Variants in RNF130 observed in about 807,000 individuals in gnomAD.
RNF130 encodes E3 ubiquitin-protein ligase RNF130.
In RNF130, 21 loss-of-function variants were observed where a neutral mutation model predicts 44.6. The observed-to-expected ratio is 0.47, with a 90% confidence interval of 0.33 to 0.68. The LOEUF is 0.68. Among genes scored for constraint, RNF130 ranks in the 30% least tolerant of loss-of-function variants. RNF130 has a pLI of 0.02. For synonymous variants in RNF130, 214 were observed against 210.4 expected (o/e 1.02, Z -0.15); for missense variants, 479 against 560.6 (o/e 0.85, Z 1.47).
intron 1 of RNF130, among the ~76,000 whole-genome samples, chr5:180,059,947 T>G (rs1466242561): frequency 6.6e-6 from 1 of 152,120 alleles, no homozygotes; most frequent in Non-Finnish European, 1.5e-5. Flanking sequence ...GATCATCGGC[T>G]GACTTTACAA....
At chr5:180,007,915 A>C (rs1582183139) in intron 3 of RNF130, among the ~76,000 whole-genome samples, 1 of 143,628 alleles carries the variant, frequency 7.0e-6, no homozygotes, top group East Asian at 2.0e-4. Context: ...CAACAACACC[A>C]CTCCAGAGCA....
intron 1 of RNF130, among the ~76,000 whole-genome samples, chr5:180,067,190 A>T (rs755362228): frequency 3.3e-5 from 5 of 152,226 alleles, no homozygotes; most frequent in Non-Finnish European, 5.9e-5. Flanking sequence ...TTGTCATCTG[A>T]CAGGTAGCTA....
In RNF130 at chr5:179,960,632, G is replaced by A. The variant is rs75373521; in HGVS notation, c.1244+2839C>T. Among the ~76,000 whole-genome samples the A allele has an allele frequency of 7.6e-3, 1,159 of 152,270 alleles. 19 individuals carry two copies. The highest frequency in any genetic ancestry group is 0.026 in the African/African-American group (1,095 of 41,550). ...CAGGGTTTCAACAGTGAGTAGACAGGGTCAAGGACTTGCTTGAACAGTAAT... is the reference window on the plus strand; with the variant it reads ...CAGGGTTTCAACAGTGAGTAGACAGAGTCAAGGACTTGCTTGAACAGTAAT... On this transcript the variant is annotated intron_variant, in intron 8 of 8. Transcript: ENST00000521389.
chr5:179,947,308 T>TCC (rs1352865031), intron 7 of RNF130, among the ~76,000 whole-genome samples: 2 of 152,172 alleles, frequency 1.3e-5, no homozygotes, highest in African/African-American at 4.8e-5. Flanking sequence ...CACAGTAAAG[T>TCC]CCGTGCCCTG....
chr5:179,993,533 T>C (rs1763136740), intron 3 of RNF130, among the ~76,000 whole-genome samples: 1 of 152,244 alleles, frequency 6.6e-6, no homozygotes, highest in Admixed American at 6.5e-5. Context: ...TTTTGAGAAG[T>C]GTCTGTCTGT....
intron 7 of RNF130, among the ~76,000 whole-genome samples, chr5:179,929,131 A>C (rs1289744670): frequency 6.6e-6 from 1 of 152,144 alleles, no homozygotes; most frequent in Non-Finnish European, 1.5e-5. Context: ...ATTTCAAGTC[A>C]ATTTTTCAGT....
At chr5:180,012,428 T>A (rs1763613628) in intron 3 of RNF130, among the ~76,000 whole-genome samples, 1 of 152,090 alleles carries the variant, frequency 6.6e-6, no homozygotes, top group Non-Finnish European at 1.5e-5. Flanking sequence ...TCAAACTCAG[T>A]CACCAACTGA....
At position 179,978,222 on chromosome 5, in the gene RNF130, C is replaced by T. The variant is rs373524615; in HGVS notation, c.829G>A (p.Val277Ile). The change falls in exon 5 of 9, where the codon GTC (valine) becomes ATC (isoleucine). Residue 277 changes from valine to isoleucine, a missense_variant. Physicochemically the swap from Val to Ile is conservative, Grantham distance 29 (BLOSUM62 3). Coordinates refer to ENST00000521389, the MANE Select transcript of RNF130 (RefSeq NM_018434.6). ...ACATACTTGCAGGGGAGAATTCGGA[C>T]GACATCATTCTGCTTATAGCTCTCT... ...CIESYKQNDV[V>I]RILPCKHVFH... 145 of 1,613,504 alleles carry T rather than the reference C, an allele frequency of 9.0e-5. No homozygotes were observed. The highest frequency in any genetic ancestry group is 1.1e-4 in the Non-Finnish European group (128 of 1,179,496).
rs1762467610 is a variant in RNF130, at chr5:179,967,022, T to C, written c.946-12A>G. 1.9e-6 allele frequency: 3 copies of C among 1,605,766 alleles called. No individual in the cohort carries two copies. The highest frequency in any genetic ancestry group is 8.5e-7 in the Non-Finnish European group (1 of 1,174,466). On this transcript the variant is annotated splice_polypyrimidine_tract_variant and intron_variant, in intron 6 of 8. Transcript: ENST00000521389. ...CATGGCAAATTCGGCTGCAAAATAT[T>C]TCCAGGTTAAAAATAATTGTAAGGA...
At chr5:179,968,711 C>G (rs1169569049) in intron 6 of RNF130, among the ~76,000 whole-genome samples, 3 of 150,592 alleles carry the variant, frequency 2.0e-5, no homozygotes, top group Non-Finnish European at 4.4e-5. Context: ...CTACACTGTG[C>G]TAGGCATCAT....
At chr5:180,037,676 A>G (rs1468775881) in intron 2 of RNF130, among the ~76,000 whole-genome samples, 2 of 152,210 alleles carry the variant, frequency 1.3e-5, no homozygotes, top group African/African-American at 4.8e-5. Context: ...TACACATTCA[A>G]GTTTTAAAGA....
intron 7 of RNF130, among the ~76,000 whole-genome samples, chr5:179,931,625 CGG>C (rs1186008472): frequency 2.0e-5 from 3 of 151,946 alleles, no homozygotes; most frequent in Admixed American, 2.0e-4. Context: ...AAAAATTAGC[CGG>C]GCGTGGTGGT....
At chr5:180,063,665 C>A (rs1270996472) in intron 1 of RNF130, among the ~76,000 whole-genome samples, 1 of 152,150 alleles carries the variant, frequency 6.6e-6, no homozygotes, top group Non-Finnish European at 1.5e-5. Context: ...TATTTCATTA[C>A]AAGAAAATAT....
At chr5:180,026,733 C>G (rs148069157) in intron 2 of RNF130, among the ~76,000 whole-genome samples, 2,101 of 152,240 alleles carry the variant, frequency 0.014, 24 homozygotes, top group Middle Eastern at 0.037. Flanking sequence ...TAAAACATAG[C>G]CTTAAATGAA....
At chr5:180,040,363 T>A in intron 2 of RNF130, 90 bp downstream of exon 2, 2 of 1,204,392 alleles carry the variant, frequency 1.7e-6, no homozygotes, top group Middle Eastern at 2.8e-4. Flanking sequence ...TGTTGGAAAT[T>A]ACATGGCTTC....
chr5:180,023,434 T>C lies in RNF130; in HGVS notation c.443-10123A>G, dbSNP rs1279607061. On this transcript the variant is annotated intron_variant, in intron 2 of 8. Transcript: ENST00000521389. The stretch of plus-strand genomic sequence containing the variant: ...GATTCTAGGACTGATGTGTCATTAC[T>C]GATAAAGTTCAATAATGCTCAAGGG... 2.0e-5 allele frequency among the ~76,000 whole-genome samples: 3 copies of C among 152,308 alleles called. No homozygotes were observed. The East Asian group carries it at 5.8e-4, about 29-fold the overall frequency.
chr5:180,009,306 CA>C (rs1306603070), intron 3 of RNF130, among the ~76,000 whole-genome samples: 4 of 151,974 alleles, frequency 2.6e-5, no homozygotes, highest in African/African-American at 4.8e-5. Flanking sequence ...AGAGGTTGAA[CA>C]AAACAAAATA....
chr5:180,063,598 G>C (rs866187697), intron 1 of RNF130, among the ~76,000 whole-genome samples: 1 of 152,186 alleles, frequency 6.6e-6, no homozygotes, highest in South Asian at 2.1e-4. Flanking sequence ...ATCAAGATAC[G>C]GGAGGAGGTA....
At chr5:180,036,227 A>G (rs1339606950) in intron 2 of RNF130, among the ~76,000 whole-genome samples, 1 of 152,186 alleles carries the variant, frequency 6.6e-6, no homozygotes, top group Non-Finnish European at 1.5e-5. Context: ...GGTTAAACAC[A>G]TGAAATCTAT....
Sources: gnomAD v4.1 joint callset for allele counts (sites outside exome capture counted in the v4.1 genomes callset) on GRCh38, gnomAD v4.1.1 for gene constraint, MANE v1.5 for transcripts, NCBI Gene and HGNC (gene_info 2026-07-23, HGNC 2026-07-21) for gene names.